The following NXN variants were observed in gnomAD, a reference collection of about 807,000 sequenced individuals.
NXN encodes the protein nucleoredoxin 1.
In NXN, 16 loss-of-function variants were observed where a neutral mutation model predicts 48.6. That is an observed-to-expected ratio of 0.33 (90% CI 0.22 to 0.50). The LOEUF (loss-of-function observed/expected upper bound fraction) is 0.50, where lower values mean the gene tolerates loss of function less well. Among genes scored for constraint, NXN ranks in the 20% least tolerant of loss-of-function variants. The pLI is 0.98. For synonymous variants in NXN, 281 were observed against 269.6 expected, an observed-to-expected ratio of 1.04 and a Z score of -0.41; for missense variants, 492 against 605.5, an observed-to-expected ratio of 0.81 and a Z score of 1.97.
chr17:931,727 C>G (rs1035583025), intron 1 of NXN, among the ~76,000 whole-genome samples: 1 of 146,226 alleles, frequency 6.8e-6, no homozygotes, highest in Non-Finnish European at 1.5e-5. Context: ...CCCAGCTACT[C>G]GGGAGGCTGA....
At chr17:963,985 G>A (rs967779552) in intron 1 of NXN, among the ~76,000 whole-genome samples, 6 of 152,316 alleles carry the variant, frequency 3.9e-5, no homozygotes, top group East Asian at 1.9e-4. Context: ...GCTGAGGCAG[G>A]AGAATGGCGT....
At chr17:952,238 TG>T (rs754850846) in intron 1 of NXN, among the ~76,000 whole-genome samples, 10 of 41,090 alleles carry the variant, frequency 2.4e-4, no homozygotes, top group South Asian at 1.2e-3. Context: ...GGTCACACTG[TG>T]GGGGGGCTGG....
At chr17:877,745 A>T (rs1450461420) in intron 1 of NXN, among the ~76,000 whole-genome samples, 1 of 152,244 alleles carries the variant, frequency 6.6e-6, no homozygotes, top group Non-Finnish European at 1.5e-5. Flanking sequence ...CTTGTGAGTT[A>T]GAGCGACTGA....
intron 1 of NXN, among the ~76,000 whole-genome samples, chr17:890,509 G>C (rs1191872982): frequency 6.6e-6 from 1 of 151,500 alleles, no homozygotes; most frequent in Non-Finnish European, 1.5e-5. Flanking sequence ...CAGTAGCTAG[G>C]ACTTACAGAC....
In NXN at chr17:964,947, T is replaced by C. The variant is rs182558213; in HGVS notation, c.360+14372A>G. On this transcript the variant is annotated intron_variant, in intron 1 of 7. Transcript: ENST00000336868. Reference sequence around the variant, plus strand: ...AGAAAAAGACTCCCTCAGGCTCCATTAATGCCCTAATGAGAGGAGGCGGGG... The same window carrying C: ...AGAAAAAGACTCCCTCAGGCTCCATCAATGCCCTAATGAGAGGAGGCGGGG... Among the ~76,000 whole-genome samples the C allele has an allele frequency of 2.6e-5, 4 of 152,262 alleles. No individual in the cohort carries two copies. In the East Asian group the frequency reaches 5.8e-4, roughly 22 times the overall value.
At chr17:835,157 A>C (rs1002536419) in intron 1 of NXN, among the ~76,000 whole-genome samples, 1 of 151,578 alleles carries the variant, frequency 6.6e-6, no homozygotes, top group African/African-American at 2.4e-5. Flanking sequence ...AAATACAAAA[A>C]ATTAGCCGGG....
chr17:965,968 T>G (rs2069297537), intron 1 of NXN, among the ~76,000 whole-genome samples: 2 of 151,690 alleles, frequency 1.3e-5, no homozygotes, highest in African/African-American at 4.8e-5. Context: ...TACAAACAAT[T>G]AGCTGGGTGT....
chr17:813,648 T>C (rs1259901359), intron 5 of NXN, among the ~76,000 whole-genome samples: 1 of 152,238 alleles, frequency 6.6e-6, no homozygotes, highest in African/African-American at 2.4e-5. Context: ...ATTTGGTATT[T>C]AACTTCAGCA....
In NXN at chr17:800,875, C is replaced by T; in HGVS notation, c.*74G>A. On this transcript the variant is annotated 3_prime_UTR_variant, in exon 8 of 8. Coordinates refer to ENST00000336868, the MANE Select transcript of NXN (RefSeq NM_022463.5). ...GGGATTCGGGGCACGCTGGGTAAGT[C>T]CAAGGGCGGAAGGAAGGAGGGGGAG... 8.8e-7 allele frequency: 1 copy of T among 1,140,506 alleles called. No individual in the cohort carries two copies. The highest frequency in any genetic ancestry group is 1.2e-6 in the Non-Finnish European group (1 of 857,816). 70.6% of individuals were successfully genotyped at this position (1,140,506 alleles called of 1,614,324 possible).
intron 1 of NXN, among the ~76,000 whole-genome samples, chr17:941,018 G>A (rs866641299): frequency 2.1e-5 from 3 of 143,832 alleles, no homozygotes; most frequent in African/African-American, 5.5e-5. Flanking sequence ...TGGATTTACA[G>A]TGAACAAGAT....
intron 1 of NXN, among the ~76,000 whole-genome samples, chr17:847,372 A>C (rs73289786): frequency 0.01 from 1,557 of 152,198 alleles, 23 homozygotes; most frequent in African/African-American, 0.036. Context: ...GGGGAGAGGA[A>C]ATATTTACAA....
intron 1 of NXN, among the ~76,000 whole-genome samples, chr17:963,419 A>G (rs1298401128): frequency 6.6e-6 from 1 of 151,858 alleles, no homozygotes; most frequent in Non-Finnish European, 1.5e-5. Flanking sequence ...CTTGGGCAAA[A>G]TAGTGAAACC....
At chr17:865,820 C>A (rs993292320) in intron 1 of NXN, among the ~76,000 whole-genome samples, 1 of 151,796 alleles carries the variant, frequency 6.6e-6, no homozygotes, top group Non-Finnish European at 1.5e-5. Flanking sequence ...CCCATCTCTA[C>A]TAAAAATACA....
intron 3 of NXN, 129 bp downstream of exon 3, chr17:823,503 A>C (rs1444082975): frequency 1.0e-6 from 1 of 979,376 alleles, no homozygotes; most frequent in African/African-American, 1.6e-5. Flanking sequence ...GGCCTCGGGC[A>C]CAGGAGAAGG....
chr17:922,904 G>A (rs569663658), intron 1 of NXN, among the ~76,000 whole-genome samples: 26 of 151,932 alleles, frequency 1.7e-4, no homozygotes, highest in Non-Finnish European at 2.8e-4. Flanking sequence ...ACCTGCCTTC[G>A]GCCTCCCAAA....
chr17:936,724 T>C (rs7406992), intron 1 of NXN, among the ~76,000 whole-genome samples: 8,623 of 149,304 alleles, frequency 0.058, 398 homozygotes, highest in East Asian at 0.24. Context: ...TCAGAATCCA[T>C]GGATTTATAA....
intron 1 of NXN, among the ~76,000 whole-genome samples, chr17:847,698 G>A (rs567893135): frequency 1.7e-3 from 258 of 152,240 alleles, no homozygotes; most frequent in African/African-American, 5.9e-3. Flanking sequence ...CCCTCCACCA[G>A]CTCCTGAAAT....
In NXN at chr17:958,940, AACACAC is replaced by A. The variant is rs552072210; in HGVS notation, c.360+20373_360+20378del. 6.3e-6 allele frequency: 1 copy of A among 159,716 alleles called. No homozygotes were observed. Among genetic ancestry groups the A allele is most frequent in the African/African-American group, 2.4e-5 (1 of 41,332 alleles). 9.9% of individuals were successfully genotyped at this position (159,716 alleles called of 1,614,324 possible). Reference sequence around the variant, plus strand: ...GCCTGAGACTTGTCTTTAAAAAAGAAACACACACACACACATACACACACACACACA... The same window carrying A: ...GCCTGAGACTTGTCTTTAAAAAAGAAACACACACATACACACACACACACA... On this transcript the variant is annotated intron_variant, in intron 1 of 7. Transcript: ENST00000336868. The surrounding 1 kb of genome is among the most constrained non-coding windows in gnomAD (Gnocchi z 6.9).
At chr17:896,856 C>CGGGGGGGGGGG in intron 1 of NXN, 3 of 1,156,932 alleles carry the variant, frequency 2.6e-6, no homozygotes, top group Non-Finnish European at 2.2e-6. Flanking sequence ...CGGTCCTGAC[C>CGGGGGGGGGGG]ACCCGCCCCC....
Sources: gnomAD v4.1 joint callset for allele counts (sites outside exome capture counted in the v4.1 genomes callset) on GRCh38, gnomAD v4.1.1 for gene constraint, Gnocchi (gnomAD v3.1) non-coding constraint, MANE v1.5 for transcripts, NCBI Gene and HGNC (gene_info 2026-07-23, HGNC 2026-07-21) for gene names.